PTPN11: variants seen among roughly 807,000 people sequenced by gnomAD.
The protein encoded by PTPN11 is protein tyrosine phosphatase non-receptor type 11.
A neutral mutation model predicts 78.8 loss-of-function variants in PTPN11; 6 were observed. The observed-to-expected ratio is 0.08, with a 90% CI of 0.04 to 0.15. The LOEUF is 0.15. Ranked by LOEUF, PTPN11 falls within the 10% of genes least tolerant of loss-of-function variation. The pLI, the probability that PTPN11 is intolerant of heterozygous loss-of-function variation, is 1.00. For synonymous variants in PTPN11, 221 were observed against 263.5 expected (o/e 0.84, Z 1.56); for missense variants, 386 against 744.8 (o/e 0.52, Z 5.61).
At chr12:112,457,031 A>G (rs189767593) in intron 6 of PTPN11, among the ~76,000 whole-genome samples, 34 of 152,240 alleles carry the variant, frequency 2.2e-4, no homozygotes, top group African/African-American at 7.9e-4. Flanking sequence ...TGCTGCACAC[A>G]TTAACCCATC....
At chr12:112,423,698 T>G (rs2037559468) in intron 1 of PTPN11, among the ~76,000 whole-genome samples, 1 of 152,044 alleles carries the variant, frequency 6.6e-6, no homozygotes, top group Admixed American at 6.6e-5. Context: ...CTGTAATATG[T>G]ATATCTGTCT....
Position 112,508,157 on chromosome 12 carries a change from A to G in PTPN11, c.*2365A>G, listed in dbSNP as rs1377589214. The G allele has an allele frequency of 6.5e-6, 1 of 152,692 alleles. No individual in the cohort carries two copies. Among genetic ancestry groups the G allele is most frequent in the Non-Finnish European group, 1.5e-5 (1 of 68,042 alleles). 9.5% of individuals were successfully genotyped at this position (152,692 alleles called of 1,614,324 possible). A position where few individuals can be genotyped will look rare whatever the true frequency, so the allele number is the denominator to read the frequency against. Reference sequence around the variant, plus strand: ...CTTAAGATCAGTTGCTTTTATACTCAGAATGGAAATACCTGATCTTGGCTA... The same window carrying G: ...CTTAAGATCAGTTGCTTTTATACTCGGAATGGAAATACCTGATCTTGGCTA... On this transcript the variant is annotated 3_prime_UTR_variant, in exon 16 of 16. Coordinates refer to ENST00000351677, the MANE Select transcript of PTPN11 (RefSeq NM_002834.5).
chr12:112,445,314 T>C (rs933901331), intron 1 of PTPN11, among the ~76,000 whole-genome samples: 4 of 152,012 alleles, frequency 2.6e-5, no homozygotes, highest in Non-Finnish European at 4.4e-5. Flanking sequence ...GTATTTTTAG[T>C]AGAGATGGGG....
At position 112,454,430 on chromosome 12, in the gene PTPN11, CTT is replaced by C; in HGVS notation, c.526-131_526-130del. ...CCACTGCACCCAGCCTATTATCTGT[CTT>C]TTGATGGACATTTAAGTTGTCTCTA... On this transcript the variant is annotated intron_variant, in intron 4 of 15. Transcript: ENST00000351677. 5.2e-6 allele frequency: 4 copies of C among 769,116 alleles called. No homozygotes were observed. The South Asian group carries it at 5.8e-5, about 11-fold the overall frequency. 47.6% of individuals were successfully genotyped at this position (769,116 alleles called of 1,614,324 possible). A position where few individuals can be genotyped will look rare whatever the true frequency, so the allele number is the denominator to read the frequency against.
At chr12:112,434,490 C>T (rs1169752169) in intron 1 of PTPN11, among the ~76,000 whole-genome samples, 1 of 151,836 alleles carries the variant, frequency 6.6e-6, no homozygotes, top group Non-Finnish European at 1.5e-5. Context: ...CACCTGTAGT[C>T]TCTGCTACTC....
At chr12:112,484,581 G>GA (rs1274936355) in intron 10 of PTPN11, among the ~76,000 whole-genome samples, 21 of 152,174 alleles carry the variant, frequency 1.4e-4, no homozygotes, top group African/African-American at 5.1e-4. Flanking sequence ...GAAGGAGCTG[G>GA]AAACCAGTGT....
chr12:112,485,149 G>A (rs549047915), intron 10 of PTPN11, among the ~76,000 whole-genome samples: 1 of 151,952 alleles, frequency 6.6e-6, no homozygotes, highest in Non-Finnish European at 1.5e-5. Context: ...CTCGGGAGTC[G>A]AGTCTGAGGC....
At chr12:112,457,662 C>T (rs569218663) in intron 6 of PTPN11, among the ~76,000 whole-genome samples, 3 of 152,364 alleles carry the variant, frequency 2.0e-5, no homozygotes, top group South Asian at 4.1e-4. Flanking sequence ...TATTTCTCCA[C>T]ATCTTCTCCA....
intron 1 of PTPN11, among the ~76,000 whole-genome samples, chr12:112,420,983 G>A (rs947071924): frequency 1.3e-5 from 2 of 152,138 alleles, no homozygotes; most frequent in African/African-American, 2.4e-5. Context: ...GACATCAGAC[G>A]GGGCTGGGGG....
At chr12:112,478,100 T>A (rs1180637795) in intron 9 of PTPN11, 85 bp downstream of exon 9, 1 of 1,460,600 alleles carries the variant, frequency 6.8e-7, no homozygotes, top group East Asian at 2.4e-5. Flanking sequence ...ATTGAATAAA[T>A]GAATTAAGCT....
intron 13 of PTPN11, among the ~76,000 whole-genome samples, chr12:112,499,446 T>C (rs908129570): frequency 6.6e-6 from 1 of 152,044 alleles, no homozygotes; most frequent in African/African-American, 2.4e-5. Flanking sequence ...TTCAAGTGTT[T>C]CTGCTGCTTC....
At position 112,472,944 on chromosome 12, in the gene PTPN11, A is replaced by G. The variant is rs773918720; in HGVS notation, c.757A>G (p.Thr253Ala). Reference sequence around the variant, plus strand: ...AATATTGACTTTTCTTTCTTTCCAGACACTACAACAACAGGAGTGCAAACT... The same window carrying G: ...AATATTGACTTTTCTTTCTTTCCAGGCACTACAACAACAGGAGTGCAAACT... The part of the protein sequence containing the change: ...VKQGFWEEFE[T>A]LQQQECKLLY... Residue 253 changes from threonine (T) to alanine (A), a missense_variant and splice_region_variant, in exon 7 of 16, where the codon ACA becomes GCA. Physicochemically the swap from Thr to Ala is moderately conservative, Grantham distance 58. Around this residue, in one of 3 missense-constraint regions of PTPN11, gnomAD observed 279 missense variants for 503.3 expected, o/e 0.55. Transcript: ENST00000351677. The G allele has an allele frequency of 6.2e-7, 1 of 1,608,994 alleles. No homozygotes were observed. The highest frequency in any genetic ancestry group is 1.1e-5 in the South Asian group (1 of 90,998).
Position 112,486,532 on chromosome 12 carries a change from G to T in PTPN11, c.1282G>T (p.Val428Leu), listed in dbSNP as rs397507536. The T allele has an allele frequency of 2.5e-6, 4 of 1,614,222 alleles. No homozygotes were observed. The highest frequency in any genetic ancestry group is 1.7e-6 in the Non-Finnish European group (2 of 1,180,034). The change falls in exon 11 of 16, where the codon GTG becomes TTG. Residue 428 changes from valine (V) to leucine (L), a missense_variant. By Grantham distance (32) the Val-to-Leu change is conservative. Transcript: ENST00000351677. ...YHFRTWPDHGVPSDPGGVLDF... is the reference protein window; with the variant it reads ...YHFRTWPDHGLPSDPGGVLDF... ...CTTTCGGACCTGGCCGGACCACGGCGTGCCCAGCGACCCTGGGGGCGTGCT... is the reference window on the plus strand; with the variant it reads ...CTTTCGGACCTGGCCGGACCACGGCTTGCCCAGCGACCCTGGGGGCGTGCT...
intron 1 of PTPN11, among the ~76,000 whole-genome samples, chr12:112,443,370 T>G (rs2037938763): frequency 3.9e-5 from 6 of 151,916 alleles, no homozygotes; most frequent in Admixed American, 3.9e-4. Flanking sequence ...TTTTTTTTTT[T>G]TTTTGGAGAT....
rs146871619 is a variant in PTPN11 at position 112,476,537 on chromosome 12, G to A, written c.854-1114G>A. ...TAATCCCAGCACTTTGGGAGGCTGA[G>A]GTGGGCAGATCACCTGAGGTCAGGA... On this transcript the variant is annotated intron_variant, in intron 7 of 15. Transcript: ENST00000351677. Among the ~76,000 whole-genome samples the A allele has an allele frequency of 3.0e-3, 460 of 152,300 alleles. 4 individuals carry two copies. The highest frequency in any genetic ancestry group is 4.9e-3 in the Non-Finnish European group (336 of 68,020).
chr12:112,481,648 A>G (rs2135906156), intron 9 of PTPN11, among the ~76,000 whole-genome samples: 1 of 152,162 alleles, frequency 6.6e-6, no homozygotes, highest in African/African-American at 2.4e-5. Context: ...GCCTGCTATC[A>G]CGCCTGGCTA....
chr12:112,422,293 A>G (rs1431520825), intron 1 of PTPN11, among the ~76,000 whole-genome samples: 1 of 152,180 alleles, frequency 6.6e-6, no homozygotes, highest in Non-Finnish European at 1.5e-5. Context: ...CAATGTACTG[A>G]TATCTCTCAG....
intron 1 of PTPN11, among the ~76,000 whole-genome samples, chr12:112,426,310 G>A (rs2037614535): frequency 6.6e-6 from 1 of 152,058 alleles, no homozygotes; most frequent in Non-Finnish European, 1.5e-5. Flanking sequence ...AGGCTGGAGT[G>A]CAGTGGCACC....
intron 10 of PTPN11, among the ~76,000 whole-genome samples, chr12:112,483,077 A>C (rs974958439): frequency 6.6e-6 from 1 of 152,188 alleles, no homozygotes; most frequent in African/African-American, 2.4e-5. Flanking sequence ...TATACTGGCC[A>C]GTAATCTACC....
Sources: allele counts gnomAD v4.1 joint callset (sites outside exome capture counted in the v4.1 genomes callset), GRCh38; gene constraint gnomAD v4.1.1; regional missense constraint gnomAD v4.1.1; transcripts MANE v1.5; gene names NCBI Gene and HGNC (gene_info 2026-07-23, HGNC 2026-07-21).